The following TNKS variants were observed in gnomAD, a reference collection of about 807,000 sequenced individuals.
TNKS encodes the protein poly [ADP-ribose] polymerase tankyrase-1.
Under a neutral mutation model 135.8 loss-of-function variants are expected in TNKS, and 72 were observed. That is an observed-to-expected ratio of 0.53 (90% CI 0.44 to 0.64). The LOEUF is 0.64. TNKS is among the 30% of genes least tolerant of loss of function. The pLI is 0.00. For missense variants in TNKS, 1,769 were observed against 1,674.0 expected (o/e 1.06, Z -0.99); for synonymous variants, 849 against 649.3 (o/e 1.31, Z -4.68).
chr8:9,779,423 T>C lies in TNKS; in HGVS notation c.*2687T>C, dbSNP rs1808370454. 6.6e-6 allele frequency: 1 copy of C among 152,178 alleles called. No individual in the cohort carries two copies. The highest frequency in any genetic ancestry group is 1.5e-5 in the Non-Finnish European group (1 of 68,046). 9.4% of individuals were successfully genotyped at this position (152,178 alleles called of 1,614,324 possible). A position where few individuals can be genotyped will look rare whatever the true frequency, so the allele number is the denominator to read the frequency against. On this transcript the variant is annotated 3_prime_UTR_variant, in exon 27 of 27. Transcript: ENST00000310430. ...TGGCCCCTCTGTTTCCCTAACCACA[T>C]GGAAGAAAGAATCTGAACGTCTCCA...
chr8:9,570,581 A>G (rs1475206258), intron 1 of TNKS, among the ~76,000 whole-genome samples: 2 of 152,256 alleles, frequency 1.3e-5, no homozygotes, highest in East Asian at 3.9e-4. Context: ...TCCCCCAGCA[A>G]CCTCTACCTG....
At position 9,692,571 on chromosome 8, in the gene TNKS, C is replaced by T. The variant is rs373809132; in HGVS notation, c.1107+11771C>T. ...CTCTAAGAACAGTGCTTGAAAGAACCGCTGACCAAGAGGTCCAGGACCAGA... is the reference window on the plus strand; with the variant it reads ...CTCTAAGAACAGTGCTTGAAAGAACTGCTGACCAAGAGGTCCAGGACCAGA... On this transcript the variant is annotated intron_variant, in intron 5 of 26. Coordinates refer to ENST00000310430, the MANE Select transcript of TNKS (RefSeq NM_003747.3). 1.3e-4 allele frequency among the ~76,000 whole-genome samples: 20 copies of T among 152,264 alleles called. No individual in the cohort carries two copies. The East Asian group carries it at 3.5e-3, about 26-fold the overall frequency.
In TNKS at chr8:9,735,020, T is replaced by C. The variant is rs1370074423; in HGVS notation, c.2469T>C (p.Cys823=). Residue 823 remains cysteine, a synonymous_variant, in exon 16 of 27, where the codon TGT becomes TGC. Transcript: ENST00000310430. ...KGCLARVQKL[C]TPENINCRDT... is the part of the protein sequence containing the mutation. The stretch of plus-strand genomic sequence containing the variant: ...GCCTGGCAAGAGTGCAGAAGCTCTG[T>C]ACCCCAGAGAATATCAACTGCAGAG... 6.2e-7 allele frequency: 1 copy of C among 1,614,074 alleles called. No individual in the cohort carries two copies. Among genetic ancestry groups the C allele is most frequent in the Non-Finnish European group, 8.5e-7 (1 of 1,180,038 alleles).
intron 3 of TNKS, among the ~76,000 whole-genome samples, chr8:9,637,726 A>T (rs1800566070): frequency 6.6e-6 from 1 of 152,216 alleles, no homozygotes; most frequent in South Asian, 2.1e-4. Context: ...TCATTTGCTT[A>T]TACTCTTTGT....
chr8:9,764,887 A>G, intron 23 of TNKS, 97 bp downstream of exon 23: 1 of 940,854 alleles, frequency 1.1e-6, no homozygotes, highest in Middle Eastern at 2.2e-4. Flanking sequence ...CATATTTTCA[A>G]ACTGTGAAAG....
At chr8:9,638,130 A>G (rs1161543107) in intron 3 of TNKS, among the ~76,000 whole-genome samples, 6 of 152,276 alleles carry the variant, frequency 3.9e-5, no homozygotes, top group African/African-American at 1.4e-4. Context: ...GTACGCCACT[A>G]TAACTAGCTA....
intron 1 of TNKS, among the ~76,000 whole-genome samples, chr8:9,577,664 C>G (rs1480920165): frequency 6.6e-6 from 1 of 152,196 alleles, no homozygotes; most frequent in African/African-American, 2.4e-5. Flanking sequence ...CACCAGGCCC[C>G]TCTTCTAACA....
At chr8:9,766,483 CTTTTT>C (rs61212620) in intron 25 of TNKS, 58 bp downstream of exon 25, 768 of 888,780 alleles carry the variant, frequency 8.6e-4, no homozygotes, top group South Asian at 2.9e-3. Context: ...ACCAAATTGT[CTTTTT>C]TTTTTTTTTT....
In TNKS at chr8:9,735,000, G is replaced by A. The variant is rs771903184; in HGVS notation, c.2449G>A (p.Ala817Thr). ...GGATGCTGCCAAGAAGGGCTGCCTG[G>A]CAAGAGTGCAGAAGCTCTGTACCCC... The part of the protein sequence containing the change: ...LLDAAKKGCL[A>T]RVQKLCTPEN... The change falls in exon 16 of 27, where the codon GCA (alanine) becomes ACA (threonine). Residue 817 changes from alanine (A) to threonine (T), a missense_variant. Ala to Thr is a moderately conservative substitution (Grantham distance 58, BLOSUM62 0). This residue lies in a region of TNKS where 722 missense variants were observed against 688.9 expected (regional missense o/e 1.05). Coordinates refer to ENST00000310430, the MANE Select transcript of TNKS (RefSeq NM_003747.3). The A allele has an allele frequency of 1.2e-6, 2 of 1,614,090 alleles. No individual in the cohort carries two copies. Among genetic ancestry groups the A allele is most frequent in the Non-Finnish European group, 1.7e-6 (2 of 1,179,986 alleles).
intron 1 of TNKS, among the ~76,000 whole-genome samples, chr8:9,578,492 A>G (rs1481138045): frequency 6.6e-6 from 1 of 152,226 alleles, no homozygotes; most frequent in African/African-American, 2.4e-5. Flanking sequence ...ATTTTTAAGG[A>G]TATTTTCTAC....
intron 5 of TNKS, among the ~76,000 whole-genome samples, chr8:9,698,781 C>G (rs1475000932): frequency 1.3e-5 from 2 of 152,156 alleles, no homozygotes; most frequent in South Asian, 2.1e-4. Context: ...ACCTTAAATG[C>G]TTTATACTGC....
At chr8:9,735,148 A>T in intron 16 of TNKS, 64 bp downstream of exon 16, 2 of 1,492,126 alleles carry the variant, frequency 1.3e-6, no homozygotes, top group Non-Finnish European at 9.0e-7. Flanking sequence ...CAGTTTACTA[A>T]AAGACGAAAG....
intron 15 of TNKS, 78 bp from the exon 16 acceptor site, chr8:9,734,787 G>A (rs769733430): frequency 8.0e-7 from 1 of 1,242,822 alleles, no homozygotes; most frequent in Non-Finnish European, 1.1e-6. Flanking sequence ...CAAAGGTAGA[G>A]TAAATTAATT....
chr8:9,599,596 A>G lies in TNKS; in HGVS notation c.899-15986A>G, dbSNP rs75404858. Among the ~76,000 whole-genome samples, 1,327 of 152,316 alleles carry G rather than the reference A, an allele frequency of 8.7e-3. 16 individuals are homozygous for G. Among genetic ancestry groups the G allele is most frequent in the African/African-American group, 0.03 (1,256 of 41,564 alleles). ...GATACTTTGTTACACTCAATCTTAC[A>G]TTTATTCCAGTATCTGCCTTATCTT... On this transcript the variant is annotated intron_variant, in intron 2 of 26. Coordinates refer to ENST00000310430, the MANE Select transcript of TNKS (RefSeq NM_003747.3).
At chr8:9,650,141 C>T (rs9650621) in intron 3 of TNKS, among the ~76,000 whole-genome samples, 1,822 of 152,194 alleles carry the variant, frequency 0.012, 17 homozygotes, top group Middle Eastern at 0.037. Context: ...ATCCACCCAC[C>T]TCATCCTCCC....
chr8:9,764,335 A>G (rs1010301939), intron 22 of TNKS, among the ~76,000 whole-genome samples: 2 of 152,098 alleles, frequency 1.3e-5, no homozygotes, highest in African/African-American at 4.8e-5. Context: ...TACAGAACAA[A>G]TATTTTTTAA....
rs557910956 is a variant in TNKS, at chr8:9,728,846, C to T, written c.2002-2044C>T. On this transcript the variant is annotated intron_variant, in intron 13 of 26. Coordinates refer to ENST00000310430, the MANE Select transcript of TNKS (RefSeq NM_003747.3). ...GAACTCGCCTTTACTGCCCAGACTC[C>T]TTCCTGTCATGTGAAAATTACACCA... is the stretch of plus-strand genomic sequence containing the variant. Among the ~76,000 whole-genome samples the T allele has an allele frequency of 3.9e-4, 60 of 152,270 alleles. No homozygotes were observed. In the South Asian group the frequency reaches 0.012, roughly 31 times the overall value.
intron 1 of TNKS, among the ~76,000 whole-genome samples, chr8:9,566,982 A>G (rs1286876932): frequency 6.6e-6 from 1 of 152,206 alleles, no homozygotes; most frequent in Non-Finnish European, 1.5e-5. Flanking sequence ...TTTAAACCCA[A>G]TCTGGTTGTC....
chr8:9,584,540 T>C (rs561599454), intron 2 of TNKS, among the ~76,000 whole-genome samples: 39 of 152,338 alleles, frequency 2.6e-4, no homozygotes, highest in African/African-American at 8.4e-4. Context: ...CAGCTTCTTA[T>C]GTGTTTCTAA....
Sources: gnomAD v4.1 joint callset for allele counts (sites outside exome capture counted in the v4.1 genomes callset) on GRCh38, gnomAD v4.1.1 for gene constraint, gnomAD v4.1.1 regional missense constraint, MANE v1.5 for transcripts, NCBI Gene and HGNC (gene_info 2026-07-23, HGNC 2026-07-21) for gene names.